The following SGMS1 variants were observed in gnomAD, a reference collection of about 807,000 sequenced individuals.
SGMS1 encodes the protein phosphatidylcholine:ceramide cholinephosphotransferase 1.
SGMS1 carries 13 observed loss-of-function variants against 46.2 expected under a neutral mutation model. The ratio of observed to expected loss-of-function variants is 0.28; its 90% confidence interval spans 0.18 to 0.45. The LOEUF (loss-of-function observed/expected upper bound fraction) is 0.45, where lower values mean the gene tolerates loss of function less well. Ranked by LOEUF, SGMS1 falls within the 20% of genes least tolerant of loss-of-function variation. The pLI, the probability that SGMS1 is intolerant of heterozygous loss-of-function variation, is 1.00. For synonymous variants in SGMS1, 203 were observed against 187.8 expected (o/e 1.08, Z -0.66); for missense variants, 324 against 519.9 (o/e 0.62, Z 3.66).
chr10:50,425,565 G>T (rs922120969), intron 6 of SGMS1, among the ~76,000 whole-genome samples: 1 of 152,156 alleles, frequency 6.6e-6, no homozygotes, highest in Middle Eastern at 3.2e-3. Context: ...TGGATATAAA[G>T]ATGCGAACAA....
At chr10:50,605,992 T>C (rs1215601354) in intron 1 of SGMS1, among the ~76,000 whole-genome samples, 1 of 152,214 alleles carries the variant, frequency 6.6e-6, no homozygotes, top group Non-Finnish European at 1.5e-5. Context: ...TTATTTTCTT[T>C]TAAAAAGAGT....
At chr10:50,557,000 G>A (rs1375317705) in intron 2 of SGMS1, among the ~76,000 whole-genome samples, 4 of 152,116 alleles carry the variant, frequency 2.6e-5, no homozygotes, top group South Asian at 4.1e-4. Flanking sequence ...CCTGTCTGCC[G>A]CCAAGGGTGA....
chr10:50,307,880 A>G lies in SGMS1; in HGVS notation c.1062+102T>C, dbSNP rs1407181417. The stretch of plus-strand genomic sequence containing the variant: ...CAATCTTAGTTGATTACTACTTAAG[A>G]AAGAGAAACTTCAGACATCCACAGG... On this transcript the variant is annotated intron_variant, in intron 10 of 10. Transcript: ENST00000361781. The surrounding 1 kb of genome is among the most constrained non-coding windows in gnomAD (Gnocchi z 4.2). 8.9e-7 allele frequency: 1 copy of G among 1,127,378 alleles called. No homozygotes were observed. Among genetic ancestry groups the G allele is most frequent in the Non-Finnish European group, 1.3e-6 (1 of 769,518 alleles). 69.8% of individuals were successfully genotyped at this position (1,127,378 alleles called of 1,614,324 possible).
chr10:50,336,371 G>GA (rs1317808641), intron 7 of SGMS1, among the ~76,000 whole-genome samples: 1 of 152,226 alleles, frequency 6.6e-6, no homozygotes, highest in African/African-American at 2.4e-5. Context: ...CTTAAGTGCA[G>GA]AAACGTGACT....
chr10:50,623,301 C>T (rs1398177915), intron 1 of SGMS1, among the ~76,000 whole-genome samples: 1 of 152,150 alleles, frequency 6.6e-6, no homozygotes, highest in Non-Finnish European at 1.5e-5. Flanking sequence ...TGGGGGTCTC[C>T]GGACCCCGGG....
chr10:50,334,406 T>C (rs1163844366), intron 7 of SGMS1: 1 of 152,178 alleles, frequency 6.6e-6, no homozygotes, highest in Non-Finnish European at 1.5e-5. Context: ...TGTGTGCGTA[T>C]ACACACCCAG....
intron 2 of SGMS1, among the ~76,000 whole-genome samples, chr10:50,538,145 A>T (rs1442727465): frequency 7.3e-6 from 1 of 136,174 alleles, no homozygotes; most frequent in East Asian, 2.5e-4. Flanking sequence ...GGTGCTGGAT[A>T]AGATGCAGAT....
chr10:50,406,349 G>A (rs189948014), intron 6 of SGMS1, among the ~76,000 whole-genome samples: 221 of 152,296 alleles, frequency 1.5e-3, no homozygotes, highest in African/African-American at 5.2e-3. Context: ...TCCAAAGCCT[G>A]TCTCAAACAG....
intron 2 of SGMS1, among the ~76,000 whole-genome samples, chr10:50,558,276 G>T (rs1020683648): frequency 6.6e-6 from 1 of 152,112 alleles, no homozygotes; most frequent in Non-Finnish European, 1.5e-5. Context: ...CCTGATCATT[G>T]TTCTTATTAC....
intron 3 of SGMS1, among the ~76,000 whole-genome samples, chr10:50,483,789 G>A (rs2133724829): frequency 1.3e-5 from 2 of 152,260 alleles, no homozygotes; most frequent in East Asian, 3.9e-4. Context: ...GCTCCTGAAT[G>A]ACTCCTGAGT....
intron 6 of SGMS1, chr10:50,417,981 G>T (rs1033502181): frequency 6.6e-6 from 1 of 152,232 alleles, no homozygotes; most frequent in African/African-American, 2.4e-5. Flanking sequence ...AGTAGAATTG[G>T]CACTGATTGC....
At position 50,433,477 on chromosome 10, in the gene SGMS1, G is replaced by A. The variant is rs189974600; in HGVS notation, c.-233C>T. The A allele has an allele frequency of 6.6e-6, 1 of 152,430 alleles. No individual in the cohort carries two copies. 9.4% of individuals were successfully genotyped at this position (152,430 alleles called of 1,614,324 possible). A position where few individuals can be genotyped will look rare whatever the true frequency, so the allele number is the denominator to read the frequency against. On this transcript the variant is annotated splice_region_variant and 5_prime_UTR_variant, in exon 6 of 11. Transcript: ENST00000361781. ...AAAAGGCCAAGAACATTAACTTACG[G>A]ATTATTTAAAAACATTCTGGTCATC...
chr10:50,367,663 T>TA (rs1463046952), intron 6 of SGMS1, among the ~76,000 whole-genome samples: 1 of 152,212 alleles, frequency 6.6e-6, no homozygotes, highest in Non-Finnish European at 1.5e-5. Flanking sequence ...TGACAGCAAT[T>TA]ACGTTAATTC....
chr10:50,389,015 AAAAATT>A (rs1848726265), intron 6 of SGMS1, among the ~76,000 whole-genome samples: 1 of 152,220 alleles, frequency 6.6e-6, no homozygotes, highest in African/African-American at 2.4e-5. Context: ...CCACAAAAAC[AAAAATT>A]GAGTAACATA....
At chr10:50,486,598 A>G (rs1028583137) in intron 3 of SGMS1, among the ~76,000 whole-genome samples, 1 of 152,256 alleles carries the variant, frequency 6.6e-6, no homozygotes, top group African/African-American at 2.4e-5. Flanking sequence ...GATGCAAATC[A>G]AAACCACTAG....
intron 6 of SGMS1, among the ~76,000 whole-genome samples, chr10:50,430,705 A>G (rs1849394821): frequency 1.3e-5 from 2 of 152,136 alleles, no homozygotes; most frequent in Non-Finnish European, 2.9e-5. Flanking sequence ...CCACCCAGGT[A>G]ATTTCTCTTT....
intron 1 of SGMS1, among the ~76,000 whole-genome samples, chr10:50,615,623 A>G (rs940689274): frequency 3.3e-5 from 5 of 152,182 alleles, no homozygotes; most frequent in African/African-American, 1.2e-4. Flanking sequence ...TCTTCTAACT[A>G]TTTATCACCA....
upstream of SGMS1, chr10:50,625,182 C>T: frequency 1.9e-6 from 1 of 523,838 alleles, no homozygotes; most frequent in Non-Finnish European, 2.5e-6. Flanking sequence ...ATCGAGACAA[C>T]AGAACTCAGG....
At chr10:50,573,930 A>T (rs541188018) in intron 2 of SGMS1, among the ~76,000 whole-genome samples, 1 of 152,330 alleles carries the variant, frequency 6.6e-6, no homozygotes, top group East Asian at 1.9e-4. Flanking sequence ...GGGCAAGGAT[A>T]GTCTCTTCAA....
Sources: gnomAD v4.1 joint callset for allele counts (sites outside exome capture counted in the v4.1 genomes callset) on GRCh38, gnomAD v4.1.1 for gene constraint, Gnocchi (gnomAD v3.1) non-coding constraint, MANE v1.5 for transcripts, NCBI Gene and HGNC (gene_info 2026-07-23, HGNC 2026-07-21) for gene names.